PRKCE: variants seen among roughly 807,000 people sequenced by gnomAD.
The protein encoded by PRKCE is protein kinase C epsilon.
A neutral mutation model predicts 85.4 loss-of-function variants in PRKCE; 16 were observed. The ratio of observed to expected loss-of-function variants is 0.19; its 90% confidence interval spans 0.13 to 0.28. The LOEUF is 0.28. Among genes scored for constraint, PRKCE ranks in the 10% least tolerant of loss-of-function variants. The pLI, the probability that PRKCE is intolerant of heterozygous loss-of-function variation, is 1.00. For missense variants in PRKCE, 573 were observed against 975.2 expected (o/e 0.59, Z 5.49); for synonymous variants, 388 against 371.5 (o/e 1.04, Z -0.51).
intron 1 of PRKCE, among the ~76,000 whole-genome samples, chr2:45,768,912 A>C (rs1685110695): frequency 6.6e-6 from 1 of 152,192 alleles, no homozygotes; most frequent in Non-Finnish European, 1.5e-5. Flanking sequence ...TCATATCTCC[A>C]CGTTACCAGG....
At position 45,817,434 on chromosome 2, in the gene PRKCE, T is replaced by C. The variant is rs187993404; in HGVS notation, c.349-25566T>C. Among the ~76,000 whole-genome samples, 995 of 152,220 alleles carry C rather than the reference T, an allele frequency of 6.5e-3. 3 individuals are homozygous for C. The highest frequency in any genetic ancestry group is 9.5e-3 in the Admixed American group (146 of 15,294). ...TCCGGCTGGGCGCGGTGGCTCACGC[T>C]TGTAATCCCATCACTTTGGGAGGCT... is the stretch of plus-strand genomic sequence containing the variant. On this transcript the variant is annotated intron_variant, in intron 1 of 14. Coordinates refer to ENST00000306156, the MANE Select transcript of PRKCE (RefSeq NM_005400.3).
At chr2:46,121,007 C>T (rs916903420) in intron 11 of PRKCE, among the ~76,000 whole-genome samples, 2 of 152,216 alleles carry the variant, frequency 1.3e-5, no homozygotes, top group African/African-American at 2.4e-5. Flanking sequence ...AAAAACCTAA[C>T]TCAGTCAAAG....
intron 1 of PRKCE, among the ~76,000 whole-genome samples, chr2:45,820,797 G>A (rs918264588): frequency 6.6e-6 from 1 of 152,222 alleles, no homozygotes; most frequent in Admixed American, 6.5e-5. Context: ...CCCTGCAAGA[G>A]TTTACAGTTG....
chr2:45,861,589 T>C (rs963303152), intron 2 of PRKCE, among the ~76,000 whole-genome samples: 1 of 152,206 alleles, frequency 6.6e-6, no homozygotes, highest in African/African-American at 2.4e-5. Flanking sequence ...TTATTTTCAG[T>C]GTTACTAAAA....
chr2:45,849,820 C>G (rs1320187195), intron 2 of PRKCE, among the ~76,000 whole-genome samples: 1 of 152,200 alleles, frequency 6.6e-6, no homozygotes, highest in East Asian at 1.9e-4. Flanking sequence ...GTGGCTGATT[C>G]TCAGACCCAG....
chr2:45,679,294 A>G (rs2103914856), intron 1 of PRKCE, among the ~76,000 whole-genome samples: 1 of 152,328 alleles, frequency 6.6e-6, no homozygotes, highest in South Asian at 2.1e-4. Context: ...TTGGAAGCCT[A>G]ATTATTTCCA....
intron 11 of PRKCE, among the ~76,000 whole-genome samples, chr2:46,111,275 A>G (rs923065957): frequency 6.6e-6 from 1 of 152,150 alleles, no homozygotes; most frequent in African/African-American, 2.4e-5. Context: ...CACCACTGAA[A>G]TAGGGGGTTT....
intron 10 of PRKCE, among the ~76,000 whole-genome samples, chr2:46,040,427 T>G (rs1708151691): frequency 6.6e-6 from 1 of 152,180 alleles, no homozygotes; most frequent in Non-Finnish European, 1.5e-5. Context: ...TTGTCTACCT[T>G]GGCTTCAGCT....
intron 2 of PRKCE, among the ~76,000 whole-genome samples, chr2:45,869,844 A>T (rs1352871761): frequency 2.0e-5 from 3 of 150,904 alleles, no homozygotes; most frequent in Admixed American, 6.6e-5. Flanking sequence ...AGTAGCTGGG[A>T]CTACAGGTGC....
chr2:45,681,501 C>T (rs1050000618), intron 1 of PRKCE, among the ~76,000 whole-genome samples: 5 of 151,996 alleles, frequency 3.3e-5, no homozygotes, highest in Admixed American at 6.6e-5. Flanking sequence ...CCCAGGTAGG[C>T]GTTTATGATG....
At chr2:46,026,154 C>T (rs1447310725) in intron 10 of PRKCE, among the ~76,000 whole-genome samples, 3 of 152,190 alleles carry the variant, frequency 2.0e-5, no homozygotes, top group Non-Finnish European at 4.4e-5. Flanking sequence ...ACCCCTTTCT[C>T]CTTGGTAGGA....
chr2:45,871,042 C>T (rs1427555015), intron 2 of PRKCE, among the ~76,000 whole-genome samples: 1 of 152,212 alleles, frequency 6.6e-6, no homozygotes, highest in Non-Finnish European at 1.5e-5. Context: ...GAAGAGACCT[C>T]TCAAAGTAGT....
At chr2:45,705,133 C>G (rs2104293921) in intron 1 of PRKCE, among the ~76,000 whole-genome samples, 1 of 152,296 alleles carries the variant, frequency 6.6e-6, no homozygotes. Flanking sequence ...CTTTCAATTC[C>G]TTATTCAGTA....
At chr2:46,012,212 A>G (rs1046173309) in intron 10 of PRKCE, among the ~76,000 whole-genome samples, 1 of 152,166 alleles carries the variant, frequency 6.6e-6, no homozygotes, top group Non-Finnish European at 1.5e-5. Flanking sequence ...CACACTTGAC[A>G]GGTACCCACG....
At chr2:45,942,477 T>C (rs1354054974) in intron 2 of PRKCE, among the ~76,000 whole-genome samples, 1 of 152,226 alleles carries the variant, frequency 6.6e-6, no homozygotes, top group African/African-American at 2.4e-5. Context: ...AATGTTGTCA[T>C]ATTATGTGTG....
intron 1 of PRKCE, among the ~76,000 whole-genome samples, chr2:45,729,548 T>G (rs982511397): frequency 2.6e-5 from 4 of 152,202 alleles, no homozygotes; most frequent in African/African-American, 9.7e-5. Flanking sequence ...AGGATATTTT[T>G]AGGCCCCAGT....
intron 1 of PRKCE, among the ~76,000 whole-genome samples, chr2:45,737,198 A>G (rs918717590): frequency 1.3e-5 from 2 of 152,212 alleles, no homozygotes; most frequent in African/African-American, 4.8e-5. Context: ...GCTGTCTTCA[A>G]AATGAAATCC....
intron 10 of PRKCE, among the ~76,000 whole-genome samples, chr2:46,075,966 C>T (rs1012766917): frequency 6.6e-5 from 10 of 152,234 alleles, no homozygotes; most frequent in Admixed American, 2.0e-4. Context: ...CCATGCCCCA[C>T]GAATGGCAAT....
chr2:45,676,523 T>A (rs1676459725), intron 1 of PRKCE, among the ~76,000 whole-genome samples: 1 of 152,240 alleles, frequency 6.6e-6, no homozygotes. Flanking sequence ...AGAGTATGGA[T>A]AGAGAGGAAG....
Sources: gnomAD v4.1 joint callset for allele counts (sites outside exome capture counted in the v4.1 genomes callset) on GRCh38, gnomAD v4.1.1 for gene constraint, MANE v1.5 for transcripts, NCBI Gene and HGNC (gene_info 2026-07-23, HGNC 2026-07-21) for gene names.